CERS6: variants seen among roughly 807,000 people sequenced by gnomAD.
CERS6 encodes LAG1 homolog, ceramide synthase 6.
In CERS6, 26 loss-of-function variants were observed where a neutral mutation model predicts 56.8. The ratio of observed to expected loss-of-function variants is 0.46; its 90% CI spans 0.34 to 0.63. CERS6 has a LOEUF of 0.63. CERS6 is among the 30% of genes least tolerant of loss of function. The probability of loss-of-function intolerance (pLI) is 0.01; values close to 1 mark genes in which losing one functional copy is unlikely to be tolerated. For synonymous variants in CERS6, 164 were observed against 173.3 expected, an observed-to-expected ratio of 0.95 and a Z score of 0.42; for missense variants, 415 against 467.5, an observed-to-expected ratio of 0.89 and a Z score of 1.04.
intron 3 of CERS6, among the ~76,000 whole-genome samples, chr2:168,581,065 C>T (rs1464806041): frequency 1.3e-5 from 2 of 150,996 alleles, no homozygotes; most frequent in African/African-American, 4.9e-5. Context: ...GTCACCCAGG[C>T]TGGAGTGCAG....
intron 8 of CERS6, among the ~76,000 whole-genome samples, chr2:168,728,707 A>C (rs1484992069): frequency 1.3e-5 from 2 of 151,998 alleles, no homozygotes; most frequent in Non-Finnish European, 2.9e-5. Flanking sequence ...GAATCAACAA[A>C]AAAATGCATT....
chr2:168,615,147 C>T (rs990722569), intron 3 of CERS6, among the ~76,000 whole-genome samples: 2 of 152,080 alleles, frequency 1.3e-5, no homozygotes, highest in African/African-American at 4.8e-5. Context: ...TCTCAGGAAG[C>T]CACATCCCTA....
chr2:168,769,412 ATC>A, intron 9 of CERS6, 96 bp from the exon 10 acceptor site: 2 of 1,087,168 alleles, frequency 1.8e-6, no homozygotes, highest in South Asian at 3.7e-5. Context: ...TAACATTGGG[ATC>A]TGTTTCCCCT....
intron 1 of CERS6, among the ~76,000 whole-genome samples, chr2:168,546,330 G>A (rs533551817): frequency 2.2e-4 from 34 of 152,256 alleles, no homozygotes; most frequent in South Asian, 4.1e-4. Flanking sequence ...TTTATATATC[G>A]GGAAGGGGTG....
rs1370002105 is a variant in CERS6 at position 168,536,521 on chromosome 2, A to G, written c.171-11075A>G. On this transcript the variant is annotated intron_variant, in intron 1 of 9. Coordinates refer to ENST00000305747, the MANE Select transcript of CERS6 (RefSeq NM_203463.3). ...GCTTCACTATAGTAGCCATTTTACT[A>G]TATATGTATCCTATAACATGTTGCA... Among the ~76,000 whole-genome samples the G allele has an allele frequency of 3.3e-5, 5 of 152,194 alleles. No individual in the cohort carries two copies. The South Asian group carries it at 6.2e-4, about 19-fold the overall frequency.
intron 8 of CERS6, among the ~76,000 whole-genome samples, chr2:168,735,880 C>CAAAAAAAA (rs145418479): frequency 1.9e-5 from 2 of 106,532 alleles, no homozygotes; most frequent in Non-Finnish European, 3.6e-5. Flanking sequence ...GACCCTGTCT[C>CAAAAAAAA]AAAAAAAAAA....
chr2:168,562,157 G>A (rs13425689), intron 3 of CERS6, among the ~76,000 whole-genome samples: 2,798 of 152,176 alleles, frequency 0.018, 59 homozygotes, highest in African/African-American at 0.05. Context: ...TAGTGCTTTC[G>A]GTGTAACTCT....
chr2:168,527,248 A>G (rs192624381), intron 1 of CERS6, among the ~76,000 whole-genome samples: 20 of 152,298 alleles, frequency 1.3e-4, no homozygotes, highest in African/African-American at 4.8e-4. Context: ...GGTTCACATC[A>G]AGATTGAATT....
intron 8 of CERS6, among the ~76,000 whole-genome samples, chr2:168,737,814 T>C (rs771361485): frequency 3.3e-5 from 5 of 152,260 alleles, no homozygotes; most frequent in East Asian, 3.8e-4. Context: ...TTTTGAGCTA[T>C]GTATTGGGAA....
intron 3 of CERS6, among the ~76,000 whole-genome samples, chr2:168,569,555 A>G (rs1228564757): frequency 1.3e-5 from 2 of 152,246 alleles, no homozygotes; most frequent in Admixed American, 6.5e-5. Flanking sequence ...GTGTGCATAT[A>G]TACTCCTAGG....
intron 3 of CERS6, among the ~76,000 whole-genome samples, chr2:168,566,863 A>G (rs1341445808): frequency 1.3e-5 from 2 of 151,186 alleles, no homozygotes; most frequent in Non-Finnish European, 2.9e-5. Context: ...CTGGTGATGG[A>G]CAAAGTTTTG....
chr2:168,471,845 C>A (rs1417731931), intron 1 of CERS6, among the ~76,000 whole-genome samples: 1 of 152,078 alleles, frequency 6.6e-6, no homozygotes, highest in Non-Finnish European at 1.5e-5. Context: ...TGAGAACTGC[C>A]AAAGTAAGTA....
intron 4 of CERS6, among the ~76,000 whole-genome samples, chr2:168,659,602 A>G (rs1015692358): frequency 1.3e-5 from 2 of 152,220 alleles, no homozygotes; most frequent in Non-Finnish European, 2.9e-5. Flanking sequence ...CAATGTATCC[A>G]GTGTTAACAC....
At chr2:168,632,152 A>G (rs537423956) in intron 4 of CERS6, among the ~76,000 whole-genome samples, 5 of 152,022 alleles carry the variant, frequency 3.3e-5, no homozygotes, top group Middle Eastern at 3.4e-3. Context: ...GTGAAGGCCT[A>G]TCTTCTCATA....
intron 1 of CERS6, among the ~76,000 whole-genome samples, chr2:168,502,587 C>T (rs1694602980): frequency 6.6e-6 from 1 of 152,036 alleles, no homozygotes; most frequent in East Asian, 1.9e-4. Context: ...TCCAAGAGGG[C>T]CAAAACAAAA....
intron 8 of CERS6, among the ~76,000 whole-genome samples, chr2:168,722,660 T>C (rs764653200): frequency 2.0e-5 from 3 of 152,224 alleles, no homozygotes; most frequent in Non-Finnish European, 4.4e-5. Context: ...AATCACACTA[T>C]ATTTTATCTG....
intron 8 of CERS6, among the ~76,000 whole-genome samples, chr2:168,732,740 CT>C (rs1380425069): frequency 6.6e-6 from 1 of 152,120 alleles, no homozygotes; most frequent in Non-Finnish European, 1.5e-5. Flanking sequence ...TTCTCTCTCC[CT>C]TTTTTTAAAA....
intron 3 of CERS6, chr2:168,606,539 T>G (rs756589868): frequency 8.5e-5 from 13 of 152,204 alleles, no homozygotes; most frequent in Admixed American, 2.0e-4. Context: ...GGAGAAGGAA[T>G]TAGCCTTGTC....
At chr2:168,486,315 G>T (rs1421510052) in intron 1 of CERS6, among the ~76,000 whole-genome samples, 1 of 151,986 alleles carries the variant, frequency 6.6e-6, no homozygotes, top group Non-Finnish European at 1.5e-5. Flanking sequence ...CATAACAAAG[G>T]TTTTAAATTT....
Sources: gnomAD v4.1 joint callset for allele counts (sites outside exome capture counted in the v4.1 genomes callset) on GRCh38, gnomAD v4.1.1 for gene constraint, MANE v1.5 for transcripts, NCBI Gene and HGNC (gene_info 2026-07-23, HGNC 2026-07-21) for gene names.